C9: variants seen among roughly 807,000 people sequenced by gnomAD.
C9 encodes the protein complement component C9.
C9 carries 63 observed loss-of-function variants against 65.4 expected under a neutral mutation model. That is an observed-to-expected ratio of 0.96 (90% confidence interval 0.79 to 1.19). The LOEUF (loss-of-function observed/expected upper bound fraction) is 1.19. Ranked by LOEUF, C9 falls within the 50% of genes most tolerant of loss-of-function variation. The probability of loss-of-function intolerance (pLI) is 0.00; values close to 1 mark genes in which losing one functional copy is unlikely to be tolerated. For missense variants in C9, 744 were observed against 670.1 expected (o/e 1.11, Z -1.22); for synonymous variants, 229 against 227.9 (o/e 1.00, Z -0.04).
At position 39,284,746 on chromosome 5, in the gene C9, A is replaced by G. The variant is rs1752958639; in HGVS notation, c.*453T>C. On this transcript the variant is annotated 3_prime_UTR_variant, in exon 11 of 11. Transcript: ENST00000263408. ...TGCTCAGCATTTGCTGAATGAATGTATGCACACCTAAGCAAATAACCAAAC... is the reference window on the plus strand; with the variant it reads ...TGCTCAGCATTTGCTGAATGAATGTGTGCACACCTAAGCAAATAACCAAAC... 1 of 162,350 alleles carries G rather than the reference A, an allele frequency of 6.2e-6. No homozygotes were observed. The highest frequency in any genetic ancestry group is 6.0e-5 in the Admixed American group (1 of 16,688). 10.1% of individuals were successfully genotyped at this position (162,350 alleles called of 1,614,324 possible).
rs1330127798 is a variant in C9 at position 39,288,702 on chromosome 5, C to T, written c.1645+21G>A. On this transcript the variant is annotated intron_variant, in intron 10 of 10. Coordinates refer to ENST00000263408, the MANE Select transcript of C9 (RefSeq NM_001737.5). ...AAGTGCATATTTTTGTCTTTAATCA[C>T]ATCAAATAAATTGTCCTCACCTTCA... The T allele has an allele frequency of 3.6e-6, 5 of 1,392,326 alleles. No homozygotes were observed. The South Asian group carries it at 5.8e-5, about 16-fold the overall frequency. The allele number at this position is 1,392,326 out of a possible 1,614,324, so 86.2% of individuals were successfully genotyped here.
rs2111836531 is a variant in C9 at position 39,288,944 on chromosome 5, G to A, written c.1424C>T (p.Pro475Leu). The part of the protein sequence containing the change: ...APVLISQKLS[P>L]IYNLVPVKMK... Reference sequence around the variant, plus strand: ...TTTCACTGGAACCAGATTATATATAGGAGACAGCTGAAAGGAAGCAAAACA... The same window carrying A: ...TTTCACTGGAACCAGATTATATATAAGAGACAGCTGAAAGGAAGCAAAACA... The change falls in exon 10 of 11, where the codon CCT becomes CTT. Residue 475 changes from proline (P) to leucine (L), a missense_variant. Coordinates refer to ENST00000263408, the MANE Select transcript of C9 (RefSeq NM_001737.5). 17 of 1,578,974 alleles carry A rather than the reference G, an allele frequency of 1.1e-5. No homozygotes were observed. The highest frequency in any genetic ancestry group is 1.5e-5 in the Non-Finnish European group (17 of 1,148,740).
intron 9 of C9, among the ~76,000 whole-genome samples, chr5:39,304,686 G>A (rs1048725326): frequency 9.2e-5 from 14 of 152,076 alleles, no homozygotes; most frequent in Admixed American, 8.5e-4. Context: ...CATTTCCTTA[G>A]GTAGAATGTT....
At position 39,326,295 on chromosome 5, in the gene C9, C is replaced by T. The variant is rs920098850; in HGVS notation, c.615+5381G>A. ...AAACCCAGAGAATCTTAATTCAGAA[C>T]CTTGTGATTGATCATATGCTATACT... On this transcript the variant is annotated intron_variant, in intron 5 of 10. Transcript: ENST00000263408. Among the ~76,000 whole-genome samples the T allele has an allele frequency of 4.6e-5, 7 of 152,112 alleles. No homozygotes were observed. In the South Asian group the frequency reaches 1.5e-3, roughly 32 times the overall value.
intron 4 of C9, among the ~76,000 whole-genome samples, chr5:39,339,625 T>C (rs1437030030): frequency 6.7e-6 from 1 of 148,640 alleles, no homozygotes; most frequent in Non-Finnish European, 1.5e-5. Context: ...ACAGCTACAA[T>C]GGTCTCCAGA....
rs141153047 is a variant in C9 at position 39,341,201 on chromosome 5, G to T, written c.421C>A (p.Pro141Thr). 124 of 1,614,150 alleles carry T rather than the reference G, an allele frequency of 7.7e-5. No homozygotes were observed. The African/African-American group carries it at 1.4e-3, about 19-fold the overall frequency. The change falls in exon 4 of 11, where the codon CCC becomes ACC. Residue 141 changes from proline (P) to threonine (T), a missense_variant. Physicochemically the swap from Pro to Thr is conservative, Grantham distance 38. Transcript: ENST00000263408. ...EDDCESEPRP[P>T]CRDRVVEESE... ...TCTTCTACCACTCTGTCTCTGCAGG[G>T]GGGACGGGGCTCACTTTCACAATCA...
rs780634814 is a variant in C9 at position 39,285,156 on chromosome 5, T to C, written c.*43A>G. On this transcript the variant is annotated 3_prime_UTR_variant, in exon 11 of 11. Transcript: ENST00000263408. Reference sequence around the variant, plus strand: ...CTTCAGGGGTAGGATCTGAAGGTACTAGTGTTTTCTTCTTCCACTGGAGCT... The same window carrying C: ...CTTCAGGGGTAGGATCTGAAGGTACCAGTGTTTTCTTCTTCCACTGGAGCT... 50 of 1,533,006 alleles carry C rather than the reference T, an allele frequency of 3.3e-5. No individual in the cohort carries two copies. The highest frequency in any genetic ancestry group is 4.3e-5 in the Non-Finnish European group (48 of 1,106,282). The allele number at this position is 1,533,006 out of a possible 1,614,324, so 95.0% of individuals were successfully genotyped here. A position where few individuals can be genotyped will look rare whatever the true frequency, so the allele number is the denominator to read the frequency against.
At chr5:39,349,012 G>C (rs1213297793) in intron 1 of C9, among the ~76,000 whole-genome samples, 1 of 141,970 alleles carries the variant, frequency 7.0e-6, no homozygotes, top group Non-Finnish European at 1.5e-5. Flanking sequence ...CACACACTGG[G>C]GCATGTTGTG....
intron 1 of C9, among the ~76,000 whole-genome samples, chr5:39,353,839 A>T (rs1444762684): frequency 6.6e-6 from 1 of 152,206 alleles, no homozygotes; most frequent in African/African-American, 2.4e-5. Flanking sequence ...CCTGAAACAT[A>T]ATAGGTACTC....
At chr5:39,299,621 A>T (rs1389627336) in intron 9 of C9, among the ~76,000 whole-genome samples, 1 of 152,122 alleles carries the variant, frequency 6.6e-6, no homozygotes, top group Non-Finnish European at 1.5e-5. Flanking sequence ...ACGTGATTAC[A>T]TTTATATGGC....
intron 1 of C9, among the ~76,000 whole-genome samples, chr5:39,347,383 C>A (rs1380181123): frequency 2.6e-5 from 4 of 151,860 alleles, no homozygotes; most frequent in African/African-American, 9.7e-5. Context: ...CAATAACAGA[C>A]AAACAGAGAG....
At chr5:39,312,255 C>T (rs1426036586) in intron 6 of C9, among the ~76,000 whole-genome samples, 2 of 152,100 alleles carry the variant, frequency 1.3e-5, no homozygotes, top group Admixed American at 6.6e-5. Context: ...ATTATCAAAA[C>T]TCATGAAACT....
rs1237996839 is a variant in C9, at chr5:39,288,969, A to AT, written c.1417-19dup. ...GGAGACAGCTGAAAGGAAGCAAAAC[A>AT]TTTAATTTTAGGTCCTTTTTAACTG... On this transcript the variant is annotated intron_variant, in intron 9 of 10. Transcript: ENST00000263408. The AT allele has an allele frequency of 7.2e-7, 1 of 1,388,006 alleles. No homozygotes were observed. Among genetic ancestry groups the AT allele is most frequent in the Non-Finnish European group, 1.0e-6 (1 of 974,756 alleles). 86.0% of individuals were successfully genotyped at this position (1,388,006 alleles called of 1,614,324 possible).
chr5:39,357,192 A>C (rs1421205339), intron 1 of C9, among the ~76,000 whole-genome samples: 3 of 152,238 alleles, frequency 2.0e-5, no homozygotes, highest in Non-Finnish European at 4.4e-5. Context: ...CCCAGACAGG[A>C]AAGCACTTAC....
chr5:39,344,313 A>G (rs1754147350), intron 1 of C9, among the ~76,000 whole-genome samples: 1 of 152,264 alleles, frequency 6.6e-6, no homozygotes, highest in South Asian at 2.1e-4. Flanking sequence ...TAACCACTGT[A>G]GAGAAGTCCT....
intron 9 of C9, among the ~76,000 whole-genome samples, chr5:39,298,498 A>T (rs537879348): frequency 8.4e-4 from 128 of 151,930 alleles, no homozygotes; most frequent in African/African-American, 3.0e-3. Flanking sequence ...GAATCTACAG[A>T]CATCAGCTGC....
At chr5:39,344,068 G>A (rs1097207) in intron 1 of C9, among the ~76,000 whole-genome samples, 11,730 of 152,106 alleles carry the variant, frequency 0.077, 881 homozygotes, top group African/African-American at 0.19. Flanking sequence ...CCACAAAGAT[G>A]GGGGAAAAAC....
intron 6 of C9, among the ~76,000 whole-genome samples, chr5:39,313,221 T>A (rs1753517682): frequency 6.6e-6 from 1 of 152,190 alleles, no homozygotes; most frequent in Non-Finnish European, 1.5e-5. Context: ...GAAGCAAAAT[T>A]TATTCAGTTT....
chr5:39,319,802 T>C (rs993800102), intron 5 of C9, among the ~76,000 whole-genome samples: 9 of 152,118 alleles, frequency 5.9e-5, no homozygotes, highest in Admixed American at 4.6e-4. Flanking sequence ...GTGGACCCAC[T>C]GGACCCAGGA....
Sources: allele counts gnomAD v4.1 joint callset (sites outside exome capture counted in the v4.1 genomes callset), GRCh38; gene constraint gnomAD v4.1.1; transcripts MANE v1.5; gene names NCBI Gene and HGNC (gene_info 2026-07-23, HGNC 2026-07-21).